Variants in EFHC2 observed in about 807,000 individuals in gnomAD.
EFHC2 encodes the protein EF-hand domain-containing family member C2.
In EFHC2, 18 loss-of-function variants were observed where a neutral mutation model predicts 52.7. The ratio of observed to expected loss-of-function variants is 0.34; its 90% CI spans 0.24 to 0.51. EFHC2 has a LOEUF of 0.51. EFHC2 is among the 20% of genes least tolerant of loss of function. The pLI is 0.97. For synonymous variants in EFHC2, 203 were observed against 204.1 expected, an observed-to-expected ratio of 0.99 and a Z score of 0.04; for missense variants, 513 against 562.5, an observed-to-expected ratio of 0.91 and a Z score of 0.89.
intron 11 of EFHC2, among the ~76,000 whole-genome samples, chrX:44,210,029 T>TA (rs1297821521): frequency 9.1e-6 from 1 of 109,967 alleles, no homozygotes; most frequent in East Asian, 2.8e-4. Context: ...TATTATAATG[T>TA]AATAATAATA....
intron 2 of EFHC2, among the ~76,000 whole-genome samples, chrX:44,311,550 C>A: frequency 8.9e-6 from 1 of 112,276 alleles, no homozygotes; most frequent in East Asian, 2.8e-4. Context: ...ACAGGGCTAT[C>A]TGATAAACAC....
intron 4 of EFHC2, among the ~76,000 whole-genome samples, chrX:44,258,812 C>T (rs966182330): frequency 8.3e-5 from 9 of 108,324 alleles, no homozygotes; most frequent in Admixed American, 2.0e-4. Flanking sequence ...GCCAAGATCG[C>T]GCCACTGCAC....
rs995436899 is a variant in EFHC2, at chrX:44,334,287, T to C, written c.42+9260A>G. Among the ~76,000 whole-genome samples, 6 of 112,116 alleles carry C rather than the reference T, an allele frequency of 5.4e-5. 1 individual carries two copies. Among genetic ancestry groups the C allele is most frequent in the Non-Finnish European group, 1.1e-4 (6 of 53,276 alleles). ...AATGGAATATGTTATTTCCAAAGTATGGATGGCAGCTTCAATAAGCGGCCC... is the reference window on the plus strand; with the variant it reads ...AATGGAATATGTTATTTCCAAAGTACGGATGGCAGCTTCAATAAGCGGCCC... On this transcript the variant is annotated intron_variant, in intron 1 of 14. Coordinates refer to ENST00000420999, the MANE Select transcript of EFHC2 (RefSeq NM_025184.4).
chrX:44,292,428 A>G (rs1237713713), intron 2 of EFHC2, among the ~76,000 whole-genome samples: 1 of 111,814 alleles, frequency 8.9e-6, no homozygotes, highest in Non-Finnish European at 1.9e-5. Flanking sequence ...AATTTTATGT[A>G]CTATTTTTAA....
chrX:44,165,978 C>T (rs1483367522), intron 13 of EFHC2, among the ~76,000 whole-genome samples: 2 of 111,634 alleles, frequency 1.8e-5, no homozygotes, highest in Non-Finnish European at 3.8e-5. Context: ...TCAGCAGACC[C>T]AAATCTGTTG....
intron 9 of EFHC2, among the ~76,000 whole-genome samples, chrX:44,234,525 A>G (rs1168237009): frequency 8.9e-6 from 1 of 112,235 alleles, no homozygotes; most frequent in Non-Finnish European, 1.9e-5. Flanking sequence ...GCCAGTTTTT[A>G]AACTCTTGGC....
At chrX:44,194,058 T>G (rs762789193) in intron 11 of EFHC2, among the ~76,000 whole-genome samples, 1 of 111,556 alleles carries the variant, frequency 9.0e-6, no homozygotes, top group South Asian at 3.8e-4. Context: ...CTGACTCACA[T>G]GGAAGCCCCA....
intron 11 of EFHC2, among the ~76,000 whole-genome samples, chrX:44,212,278 G>A (rs941114058): frequency 8.9e-6 from 1 of 111,734 alleles, no homozygotes; most frequent in Non-Finnish European, 1.9e-5. Context: ...AGTCAAAGTG[G>A]ATGAGGGGGG....
intron 13 of EFHC2, among the ~76,000 whole-genome samples, chrX:44,170,135 A>G (rs1250073951): frequency 1.8e-5 from 2 of 111,579 alleles, no homozygotes; most frequent in Non-Finnish European, 3.8e-5. Flanking sequence ...GAGTGTAAAA[A>G]GCAGATGAGA....
chrX:44,260,946 AC>A, intron 4 of EFHC2, 128 bp downstream of exon 4: 1 of 576,579 alleles, frequency 1.7e-6, no homozygotes, highest in Non-Finnish European at 2.7e-6. Flanking sequence ...CCAAAGAAGA[AC>A]AAAACTGGAA....
intron 2 of EFHC2, among the ~76,000 whole-genome samples, chrX:44,299,602 T>C (rs1400651820): frequency 3.6e-5 from 4 of 111,829 alleles, no homozygotes; most frequent in Non-Finnish European, 7.5e-5. Context: ...TTGATTGATG[T>C]ATTATGTCTC....
At chrX:44,324,603 G>A (rs2038041371) in intron 1 of EFHC2, among the ~76,000 whole-genome samples, 1 of 111,359 alleles carries the variant, frequency 9.0e-6, no homozygotes, top group Non-Finnish European at 1.9e-5. Context: ...ACTCTTACCA[G>A]CATATCTTTG....
intron 11 of EFHC2, among the ~76,000 whole-genome samples, chrX:44,178,847 T>G (rs1409910181): frequency 8.9e-6 from 1 of 112,418 alleles, no homozygotes; most frequent in Non-Finnish European, 1.9e-5. Context: ...GAAGTAAATT[T>G]TTAAAGGCTT....
chrX:44,246,994 T>G (rs180800647), intron 7 of EFHC2, among the ~76,000 whole-genome samples: 1 of 111,987 alleles, frequency 8.9e-6, no homozygotes, highest in Non-Finnish European at 1.9e-5. Flanking sequence ...TTTCCCACAG[T>G]CTAGGGGCCA....
intron 1 of EFHC2, among the ~76,000 whole-genome samples, chrX:44,319,928 AT>A (rs1382895897): frequency 3.6e-5 from 4 of 110,368 alleles, no homozygotes; most frequent in African/African-American, 6.6e-5. Flanking sequence ...TATTTTATTT[AT>A]TTTTTTTATT....
At chrX:44,225,318 T>C (rs1168065804) in intron 11 of EFHC2, among the ~76,000 whole-genome samples, 1 of 110,318 alleles carries the variant, frequency 9.1e-6, no homozygotes, top group East Asian at 2.8e-4. Flanking sequence ...CTGCATTCCA[T>C]CAGGTCTATT....
intron 2 of EFHC2, among the ~76,000 whole-genome samples, chrX:44,278,445 A>G (rs2037677305): frequency 8.9e-6 from 1 of 112,041 alleles, no homozygotes; most frequent in African/African-American, 3.2e-5. Context: ...GGAGGGGACT[A>G]TTACTATTTT....
chrX:44,265,574 C>G (rs2037570615), intron 3 of EFHC2, among the ~76,000 whole-genome samples: 1 of 111,938 alleles, frequency 8.9e-6, no homozygotes, highest in African/African-American at 3.2e-5. Flanking sequence ...TGGGTCACCT[C>G]TATTTTAATT....
chrX:44,158,574 T>C (rs1467012799), intron 14 of EFHC2, among the ~76,000 whole-genome samples: 1 of 110,960 alleles, frequency 9.0e-6, no homozygotes, highest in African/African-American at 3.3e-5. Context: ...CACAACCTGA[T>C]GGATCTTACC....
Sources: allele counts gnomAD v4.1 joint callset (sites outside exome capture counted in the v4.1 genomes callset), GRCh38; gene constraint gnomAD v4.1.1; transcripts MANE v1.5; gene names NCBI Gene and HGNC (gene_info 2026-07-23, HGNC 2026-07-21).